The following DOCK1 variants were observed in gnomAD, a reference collection of about 807,000 sequenced individuals.
DOCK1 encodes the protein dedicator of cytokinesis 1, also known as dedicator of cytokinesis protein 1.
Under a neutral mutation model 262.7 loss-of-function variants are expected in DOCK1, and 138 were observed. The observed-to-expected ratio is 0.53, with a 90% CI of 0.46 to 0.61. The LOEUF (loss-of-function observed/expected upper bound fraction) is 0.61, where lower values mean the gene tolerates loss of function less well. Ranked by LOEUF, DOCK1 falls within the 20% of genes least tolerant of loss-of-function variation. The probability of loss-of-function intolerance (pLI) is 0.00; values close to 1 mark genes in which losing one functional copy is unlikely to be tolerated. For missense variants in DOCK1, 1,908 were observed against 2,370.7 expected (o/e 0.80, Z 4.05); for synonymous variants, 866 against 867.4 (o/e 1.00, Z 0.03).
chr10:127,225,987 A>T (rs1590022334), intron 27 of DOCK1, among the ~76,000 whole-genome samples: 1 of 151,636 alleles, frequency 6.6e-6, no homozygotes, highest in Non-Finnish European at 1.5e-5. Flanking sequence ...CTGAGGCAGG[A>T]GAATCGATTG....
chr10:127,081,204 C>A (rs2046880176), intron 23 of DOCK1, among the ~76,000 whole-genome samples: 1 of 152,078 alleles, frequency 6.6e-6, no homozygotes, highest in Admixed American at 6.5e-5. Context: ...TCAAATGCAG[C>A]CATTTGAAGT....
intron 24 of DOCK1, among the ~76,000 whole-genome samples, chr10:127,108,735 G>A (rs1285933883): frequency 6.6e-6 from 1 of 152,152 alleles, no homozygotes; most frequent in African/African-American, 2.4e-5. Flanking sequence ...TCTTTAAGCA[G>A]CAACAATAGA....
intron 1 of DOCK1, among the ~76,000 whole-genome samples, chr10:126,956,435 C>T (rs1009082330): frequency 0.022 from 3,287 of 152,142 alleles, 56 homozygotes; most frequent in Non-Finnish European, 0.025. Context: ...CCTGGTGCAG[C>T]TGAGTGAGTG....
At chr10:127,358,500 G>T (rs893512627) in intron 32 of DOCK1, among the ~76,000 whole-genome samples, 2 of 152,156 alleles carry the variant, frequency 1.3e-5, no homozygotes, top group Non-Finnish European at 2.9e-5. Flanking sequence ...TGATCTCCTT[G>T]CCTGTGCCGC....
At chr10:127,395,895 T>G (rs1242460744) in intron 38 of DOCK1, among the ~76,000 whole-genome samples, 2 of 152,170 alleles carry the variant, frequency 1.3e-5, no homozygotes, top group Non-Finnish European at 2.9e-5. Flanking sequence ...GAGGAAGATG[T>G]AGGAAGGGAA....
chr10:127,238,407 A>C (rs2059148572), intron 27 of DOCK1, among the ~76,000 whole-genome samples: 1 of 152,134 alleles, frequency 6.6e-6, no homozygotes, highest in Non-Finnish European at 1.5e-5. Context: ...TTTTACCTCG[A>C]GGTTTCAGTG....
chr10:127,193,589 A>C (rs2056896764), intron 27 of DOCK1, among the ~76,000 whole-genome samples: 1 of 152,164 alleles, frequency 6.6e-6, no homozygotes, highest in Admixed American at 6.5e-5. Flanking sequence ...GAGAATACAA[A>C]TGTCTACGTG....
At chr10:127,286,884 GT>G (rs1019110473) in intron 29 of DOCK1, among the ~76,000 whole-genome samples, 8 of 135,152 alleles carry the variant, frequency 5.9e-5, no homozygotes, top group African/African-American at 1.9e-4. Flanking sequence ...TTTTCTTTTT[GT>G]TTTTTTTTGA....
intron 35 of DOCK1, among the ~76,000 whole-genome samples, chr10:127,379,016 C>G (rs1590789678): frequency 6.6e-6 from 1 of 152,300 alleles, no homozygotes; most frequent in Non-Finnish European, 1.5e-5. Context: ...GAGCCTATGC[C>G]ATTTCTTGGA....
At chr10:126,912,142 A>C (rs1172255097) in intron 1 of DOCK1, among the ~76,000 whole-genome samples, 1 of 152,004 alleles carries the variant, frequency 6.6e-6, no homozygotes, top group Non-Finnish European at 1.5e-5. Flanking sequence ...TTACAAGGCC[A>C]CTATGGCCAG....
chr10:127,179,673 A>C (rs2055537385), intron 27 of DOCK1, among the ~76,000 whole-genome samples: 1 of 152,170 alleles, frequency 6.6e-6, no homozygotes, highest in Non-Finnish European at 1.5e-5. Context: ...GATTACCATT[A>C]AGAAAATGAT....
chr10:127,435,335 C>T (rs908817429), intron 48 of DOCK1, among the ~76,000 whole-genome samples: 1 of 152,196 alleles, frequency 6.6e-6, no homozygotes, highest in African/African-American at 2.4e-5. Flanking sequence ...CCTCAACACA[C>T]AGAAACAAAC....
chr10:127,086,323 C>A (rs1330095589), intron 23 of DOCK1, among the ~76,000 whole-genome samples: 1 of 151,930 alleles, frequency 6.6e-6, no homozygotes, highest in African/African-American at 2.4e-5. Context: ...CAAATTAGTC[C>A]CCAGGAGCTG....
chr10:127,294,719 G>A (rs2061450334), intron 29 of DOCK1, among the ~76,000 whole-genome samples: 1 of 151,230 alleles, frequency 6.6e-6, no homozygotes, highest in Non-Finnish European at 1.5e-5. Flanking sequence ...CGTGATCTCG[G>A]ATCACTGCAA....
chr10:127,324,996 T>C (rs2062695891), intron 29 of DOCK1, among the ~76,000 whole-genome samples: 1 of 152,130 alleles, frequency 6.6e-6, no homozygotes, highest in African/African-American at 2.4e-5. Flanking sequence ...CCTTCAACAC[T>C]GGGCTTCCTA....
At chr10:126,967,331 A>T (rs903238314) in intron 1 of DOCK1, among the ~76,000 whole-genome samples, 2 of 152,238 alleles carry the variant, frequency 1.3e-5, no homozygotes, top group South Asian at 4.1e-4. Context: ...ATACTTTTGG[A>T]TTCATTTAAA....
intron 27 of DOCK1, among the ~76,000 whole-genome samples, chr10:127,167,209 A>C (rs374648363): frequency 3.7e-4 from 57 of 152,360 alleles, no homozygotes; most frequent in South Asian, 1.4e-3. Context: ...GATAGAAAGA[A>C]TATGAAATGT....
intron 23 of DOCK1, among the ~76,000 whole-genome samples, chr10:127,095,648 G>A (rs760615688): frequency 6.8e-6 from 1 of 147,546 alleles, no homozygotes; most frequent in African/African-American, 2.6e-5. Context: ...ACACAACCAC[G>A]TGGGCCAGGA....
At chr10:127,254,670 C>T (rs2059769703) in intron 28 of DOCK1, among the ~76,000 whole-genome samples, 2 of 152,346 alleles carry the variant, frequency 1.3e-5, no homozygotes, top group South Asian at 4.1e-4. Context: ...TGTCCTATTT[C>T]CCTAACAATC....
Sources: allele counts gnomAD v4.1 joint callset (sites outside exome capture counted in the v4.1 genomes callset), GRCh38; gene constraint gnomAD v4.1.1; transcripts MANE v1.5; gene names NCBI Gene and HGNC (gene_info 2026-07-23, HGNC 2026-07-21).